Variants in CACNA1C observed in about 807,000 individuals in gnomAD.
CACNA1C encodes the protein voltage-dependent L-type calcium channel subunit alpha-1C.
CACNA1C carries 30 observed loss-of-function variants against 229.0 expected under a neutral mutation model. The ratio of observed to expected loss-of-function variants is 0.13; its 90% CI spans 0.10 to 0.18. CACNA1C has a LOEUF of 0.18. Ranked by LOEUF, CACNA1C falls within the 10% of genes least tolerant of loss-of-function variation. The pLI is 1.00. For synonymous variants in CACNA1C, 1,114 were observed against 1,132.5 expected (o/e 0.98, Z 0.33); for missense variants, 1,658 against 2,845.0 (o/e 0.58, Z 9.49).
chr12:2,653,970 C>G lies in CACNA1C; in HGVS notation c.4140+70C>G, dbSNP rs2095268889. 1 of 1,228,438 alleles carries G rather than the reference C, an allele frequency of 8.1e-7. No homozygotes were observed. The highest frequency in any genetic ancestry group is 1.5e-5 in the African/African-American group (1 of 67,602). 76.1% of individuals were successfully genotyped at this position (1,228,438 alleles called of 1,614,324 possible). On this transcript the variant is annotated intron_variant, in intron 33 of 46. Transcript: ENST00000399655. The surrounding 1 kb of genome is among the most constrained non-coding windows in gnomAD (Gnocchi z 4.7). ...TCTCCCCAGTTCCCAGCACCACATT[C>G]CCTAACGCCTTCCTCCCTCCCTTCT...
intron 4 of CACNA1C, among the ~76,000 whole-genome samples, chr12:2,450,292 C>T (rs1173205606): frequency 2.6e-5 from 4 of 152,166 alleles, no homozygotes; most frequent in Admixed American, 6.5e-5. Context: ...CGGTGGCTCA[C>T]ACCTGTAATC....
At chr12:2,645,738 G>A (rs954835052) in intron 30 of CACNA1C, among the ~76,000 whole-genome samples, 4 of 152,162 alleles carry the variant, frequency 2.6e-5, no homozygotes, top group African/African-American at 7.2e-5. Flanking sequence ...ATTTCATCGC[G>A]AGTGGTTATT....
At position 2,541,929 on chromosome 12, in the gene CACNA1C, G is replaced by A. The variant is rs1009957619; in HGVS notation, c.1391-8014G>A. Among the ~76,000 whole-genome samples the A allele has an allele frequency of 6.6e-5, 10 of 152,052 alleles. 1 individual carries two copies. Among genetic ancestry groups the A allele is most frequent in the Admixed American group, 5.9e-4 (9 of 15,226 alleles). On this transcript the variant is annotated intron_variant, in intron 9 of 46. Coordinates refer to ENST00000399655, the MANE Select transcript of CACNA1C (RefSeq NM_000719.7). ...CTGGTGCCACTCAGTCAGTCATGAC[G>A]CATAAAAAGCTCCGAGACGGGGGCC... is the stretch of plus-strand genomic sequence containing the variant.
chr12:2,644,763 C>T (rs568884698), intron 30 of CACNA1C, among the ~76,000 whole-genome samples: 3 of 152,314 alleles, frequency 2.0e-5, no homozygotes, highest in African/African-American at 7.2e-5. Flanking sequence ...TGAGGTGTTA[C>T]TTCTCATTTG....
chr12:2,369,824 G>A (rs78846371), intron 3 of CACNA1C, among the ~76,000 whole-genome samples: 5,210 of 152,218 alleles, frequency 0.034, 176 homozygotes, highest in African/African-American at 0.083. Context: ...CCAGAATTAT[G>A]GAAGACTTTA....
At position 2,610,660 on chromosome 12, in the gene CACNA1C, C is replaced by G. The variant is rs775309900; in HGVS notation, c.3678C>G (p.Phe1226Leu). Residue 1226 changes from phenylalanine to leucine, a missense_variant, in exon 28 of 47, where the codon TTC becomes TTG. Physicochemically the swap from Phe to Leu is conservative, Grantham distance 22. This residue lies in a region of CACNA1C where 67 missense variants were observed against 106.4 expected (regional missense o/e 0.63). Transcript: ENST00000399655. ...VNSTYFEYLM[F>L]VLILLNTICL... ...CCACCTACTTCGAGTACCTGATGTT[C>G]GTCCTCATCCTGCTCAACACCATCT... 4 of 1,614,108 alleles carry G rather than the reference C, an allele frequency of 2.5e-6. No individual in the cohort carries two copies. Among genetic ancestry groups the G allele is most frequent in the African/African-American group, 1.3e-5 (1 of 74,948 alleles).
chr12:2,563,424 G>T (rs1007965145), intron 11 of CACNA1C, among the ~76,000 whole-genome samples: 6 of 152,176 alleles, frequency 3.9e-5, no homozygotes, highest in Admixed American at 3.9e-4. Flanking sequence ...CTGTGTAGTG[G>T]ATTTTCCCCC....
At chr12:2,313,453 GC>G (rs1309768595) in intron 3 of CACNA1C, among the ~76,000 whole-genome samples, 29 of 152,214 alleles carry the variant, frequency 1.9e-4, no homozygotes, top group Non-Finnish European at 2.8e-4. Flanking sequence ...ACACGAATCA[GC>G]AGGAAACTGG....
intron 9 of CACNA1C, among the ~76,000 whole-genome samples, chr12:2,527,709 G>A (rs148346433): frequency 6.6e-6 from 1 of 152,204 alleles, no homozygotes; most frequent in South Asian, 2.1e-4. Flanking sequence ...CCAGCTTTGA[G>A]TAAAAAGCTT....
At position 2,392,955 on chromosome 12, in the gene CACNA1C, G is replaced by A. The variant is rs1315116285; in HGVS notation, c.478-56021G>A. Among the ~76,000 whole-genome samples, 4 of 152,280 alleles carry A rather than the reference G, an allele frequency of 2.6e-5. No individual in the cohort carries two copies. In the South Asian group the frequency reaches 6.2e-4, roughly 24 times the overall value. On this transcript the variant is annotated intron_variant, in intron 3 of 46. Coordinates refer to ENST00000399655, the MANE Select transcript of CACNA1C (RefSeq NM_000719.7). ...ATCCTTGTGTCCGTAAGAACCCTGT[G>A]TCCTTACCTTGTGTAGACTGTTGAC...
rs557753889 is a variant in CACNA1C at position 2,565,845 on chromosome 12, C to G, written c.1509-577C>G. On this transcript the variant is annotated intron_variant, in intron 11 of 46. Transcript: ENST00000399655. ...TTCTACCATATGGATGTGGCACACA[C>G]AGTCAGGGCCAAGAGGCTGGGCAGA... 7.5e-4 allele frequency among the ~76,000 whole-genome samples: 114 copies of G among 152,354 alleles called. 1 individual carries two copies. Among genetic ancestry groups the G allele is most frequent in the African/African-American group, 2.7e-3 (111 of 41,578 alleles).
intron 3 of CACNA1C, among the ~76,000 whole-genome samples, chr12:2,353,087 A>G (rs971854352): frequency 6.6e-6 from 1 of 152,122 alleles, no homozygotes; most frequent in Non-Finnish European, 1.5e-5. Context: ...TGCTGGGGCG[A>G]GGTCACCTGT....
chr12:2,485,142 AG>A (rs1345240162), intron 5 of CACNA1C, among the ~76,000 whole-genome samples: 2 of 151,932 alleles, frequency 1.3e-5, no homozygotes. Context: ...TGCGACTTGG[AG>A]GGGGGTTTCC....
chr12:2,505,858 G>A (rs143621508), intron 8 of CACNA1C, among the ~76,000 whole-genome samples: 1 of 152,240 alleles, frequency 6.6e-6, no homozygotes, highest in African/African-American at 2.4e-5. Context: ...TGGGGGAGGG[G>A]GGTAATCTAC....
At position 2,682,288 on chromosome 12, in the gene CACNA1C, A is replaced by G. The variant is rs35176240; in HGVS notation, c.5445-262A>G. ...GTGACTTGGACCAGAGGGTAAGTGG[A>G]TTGGGGTCAGGACTCCTGGATCCAC... On this transcript the variant is annotated intron_variant, in intron 42 of 46. Transcript: ENST00000399655. 0.06 allele frequency among the ~76,000 whole-genome samples: 9,130 copies of G among 152,220 alleles called. 370 individuals are homozygous for G. Among genetic ancestry groups the G allele is most frequent in the Admixed American group, 0.12 (1,878 of 15,294 alleles).
In CACNA1C at chr12:2,606,567, A is replaced by G. The variant is rs375130139; in HGVS notation, c.3157-44A>G. 25 of 1,522,180 alleles carry G rather than the reference A, an allele frequency of 1.6e-5. No homozygotes were observed. In the African/African-American group the frequency reaches 2.9e-4, roughly 18 times the overall value. The allele number at this position is 1,522,180 out of a possible 1,614,324, so 94.3% of individuals were successfully genotyped here. On this transcript the variant is annotated intron_variant, in intron 24 of 46. Transcript: ENST00000399655. ...TCACTAATTGCTTTTGGATTGACTC[A>G]TTGATTACTGAACATCTCTGATACT...
At chr12:2,433,466 T>C (rs995351264) in intron 3 of CACNA1C, among the ~76,000 whole-genome samples, 1 of 152,332 alleles carries the variant, frequency 6.6e-6, no homozygotes, top group Admixed American at 6.5e-5. Flanking sequence ...CATTCATCTA[T>C]CCACCCATCC....
rs184393168 is a variant in CACNA1C at position 1,979,368 on chromosome 12, G to A, written c.139+8167G>A. ...CTGGCTTCATCGCCCAGGCTGGAGTGCAGTGGTGCCATCTTGGCTCACTAC... is the reference window on the plus strand; with the variant it reads ...CTGGCTTCATCGCCCAGGCTGGAGTACAGTGGTGCCATCTTGGCTCACTAC... On this transcript the variant is annotated intron_variant, in intron 1 of 46. Transcript: ENST00000682462. Among the ~76,000 whole-genome samples the A allele has an allele frequency of 2.4e-3, 366 of 152,220 alleles. 2 individuals carry two copies. Among genetic ancestry groups the A allele is most frequent in the African/African-American group, 8.6e-3 (356 of 41,520 alleles).
At chr12:2,367,350 G>A (rs113666542) in intron 3 of CACNA1C, among the ~76,000 whole-genome samples, 4,548 of 152,260 alleles carry the variant, frequency 0.03, 230 homozygotes, top group African/African-American at 0.1. Context: ...GTCATGGACC[G>A]GTACCGGTCC....
Sources: gnomAD v4.1 joint callset for allele counts (sites outside exome capture counted in the v4.1 genomes callset) on GRCh38, gnomAD v4.1.1 for gene constraint, gnomAD v4.1.1 regional missense constraint, Gnocchi (gnomAD v3.1) non-coding constraint, MANE v1.5 for transcripts, NCBI Gene and HGNC (gene_info 2026-07-23, HGNC 2026-07-21) for gene names.